The following DCAF16 variants were observed in gnomAD, a reference collection of about 807,000 sequenced individuals.
DCAF16 encodes the protein DDB1- and CUL4-associated factor 16.
A neutral mutation model predicts 17.3 loss-of-function variants in DCAF16; 10 were observed. That is an observed-to-expected ratio of 0.58 (90% CI 0.36 to 0.98). DCAF16 has a LOEUF of 0.98. Ranked by LOEUF, DCAF16 falls within the 50% of genes least tolerant of loss-of-function variation. The pLI is 0.01. For missense variants in DCAF16, 249 were observed against 247.6 expected (o/e 1.01, Z -0.04); for synonymous variants, 111 against 92.8 (o/e 1.20, Z -1.12).
At chr4:17,799,584 C>T (rs1398301106), downstream of DCAF16, among the ~76,000 whole-genome samples, 2 of 152,204 alleles carry the variant, frequency 1.3e-5, no homozygotes, top group South Asian at 2.1e-4. Flanking sequence ...AGCCAACTTA[C>T]GCATCAGAAA....
Position 17,801,389 on chromosome 4 carries a change from C to G in DCAF16, c.*2102G>C, listed in dbSNP as rs1719763543. ...AGTGATCCACCTGCCCTCAGCCTCC[C>G]AAACTGTTGGGATTACAGGCATGAG... is the stretch of plus-strand genomic sequence containing the variant. On this transcript the variant is annotated 3_prime_UTR_variant, in exon 3 of 3. Coordinates refer to ENST00000382247, the MANE Select transcript of DCAF16 (RefSeq NM_017741.4). 6.6e-6 allele frequency: 1 copy of G among 152,182 alleles called. No homozygotes were observed. Among genetic ancestry groups the G allele is most frequent in the Non-Finnish European group, 1.5e-5 (1 of 68,052 alleles). The allele number at this position is 152,182 out of a possible 1,614,324, so 9.4% of individuals were successfully genotyped here.
rs1720151035 is a variant in DCAF16 at position 17,804,746 on chromosome 4, G to A, written c.-605C>T. On this transcript the variant is annotated 5_prime_UTR_variant, in exon 3 of 3. Coordinates refer to ENST00000382247, the MANE Select transcript of DCAF16 (RefSeq NM_017741.4). The stretch of plus-strand genomic sequence containing the variant: ...TTTAGCTGTTGGATTATCTGGAAAG[G>A]TAGCCTTAACCTGTGAATGAGAAGA... The A allele has an allele frequency of 5.9e-6, 1 of 168,284 alleles. No individual in the cohort carries two copies. Among genetic ancestry groups the A allele is most frequent in the African/African-American group, 2.4e-5 (1 of 41,438 alleles). 10.4% of individuals were successfully genotyped at this position (168,284 alleles called of 1,614,324 possible). A position where few individuals can be genotyped will look rare whatever the true frequency, so the allele number is the denominator to read the frequency against.
At position 17,804,458 on chromosome 4, in the gene DCAF16, G is replaced by A. The variant is rs2109021999; in HGVS notation, c.-317C>T. The A allele has an allele frequency of 3.0e-6, 1 of 335,932 alleles. No individual in the cohort carries two copies. The highest frequency in any genetic ancestry group is 6.9e-5 in the East Asian group (1 of 14,556). 20.8% of individuals were successfully genotyped at this position (335,932 alleles called of 1,614,324 possible). On this transcript the variant is annotated 5_prime_UTR_variant, in exon 3 of 3. Transcript: ENST00000382247. Reference sequence around the variant, plus strand: ...AATCCTGGCTACCCAAGAATAGAAGGGGTCCTCATCTAGGCAAGCTGATTT... The same window carrying A: ...AATCCTGGCTACCCAAGAATAGAAGAGGTCCTCATCTAGGCAAGCTGATTT...
At chr4:17,806,445 TACTA>T (rs1338651245) in intron 1 of DCAF16, among the ~76,000 whole-genome samples, 3 of 152,040 alleles carry the variant, frequency 2.0e-5, no homozygotes, top group Non-Finnish European at 4.4e-5. Context: ...ATACCAGCAA[TACTA>T]ACTAGACCAT....
At chr4:17,793,542 A>G in the DCAF16 span, among the ~76,000 whole-genome samples, 1 of 152,318 alleles carries the variant, frequency 6.6e-6, no homozygotes, top group East Asian at 1.9e-4. Flanking sequence ...CATATAATCA[A>G]ATAGTCTATA....
chr4:17,796,680 C>G (rs1038916695), downstream of DCAF16, among the ~76,000 whole-genome samples: 1 of 152,170 alleles, frequency 6.6e-6, no homozygotes, highest in African/African-American at 2.4e-5. Context: ...GCGTTCCAGC[C>G]TGGCGACAGG....
chr4:17,810,268 A>C (rs372625989), intron 1 of DCAF16, among the ~76,000 whole-genome samples, 179 bp downstream of exon 1: 6 of 152,310 alleles, frequency 3.9e-5, no homozygotes, highest in Admixed American at 2.0e-4. Flanking sequence ...CACTGTCCTT[A>C]TGCACACTTG....
downstream of DCAF16, among the ~76,000 whole-genome samples, chr4:17,800,132 G>A (rs1173950626): frequency 3.5e-5 from 4 of 113,028 alleles, no homozygotes; most frequent in Admixed American, 1.2e-4. Flanking sequence ...CAACAAGAGC[G>A]AAACTCCATC....
Position 17,803,946 on chromosome 4 carries a change from A to T in DCAF16, c.196T>A (p.Trp66Arg). ...VKCLLKYSTT[W>R]KPLNPNSWLY... ...CAGGAATTAGGATTTAAAGGTTTCC[A>T]AGTTGTGGAATATTTTAAAAGGCAC... Residue 66 changes from tryptophan to arginine, a missense_variant, in exon 3 of 3, where the codon TGG (tryptophan) becomes AGG (arginine). Coordinates refer to ENST00000382247, the MANE Select transcript of DCAF16 (RefSeq NM_017741.4). The T allele has an allele frequency of 6.2e-7, 1 of 1,614,164 alleles. No individual in the cohort carries two copies. Among genetic ancestry groups the T allele is most frequent in the Non-Finnish European group, 8.5e-7 (1 of 1,180,026 alleles).
chr4:17,799,285 AAT>A (rs1719581112), downstream of DCAF16, among the ~76,000 whole-genome samples: 1 of 152,196 alleles, frequency 6.6e-6, no homozygotes, highest in African/African-American at 2.4e-5. Context: ...AGCTATTTTC[AAT>A]ATGTGAAGGG....
At chr4:17,795,693 G>T (rs1029599139), downstream of DCAF16, among the ~76,000 whole-genome samples, 5 of 152,080 alleles carry the variant, frequency 3.3e-5, no homozygotes, top group Non-Finnish European at 7.4e-5. Context: ...GATCCTATTT[G>T]ATGGAAGCAG....
intron 1 of DCAF16, among the ~76,000 whole-genome samples, chr4:17,808,978 G>A (rs1185360836): frequency 1.3e-5 from 2 of 152,128 alleles, no homozygotes; most frequent in African/African-American, 2.4e-5. Context: ...GCAGTGAGCC[G>A]AGATCGCGCC....
At position 17,802,998 on chromosome 4, in the gene DCAF16, C is replaced by T. The variant is rs1231923310; in HGVS notation, c.*493G>A. On this transcript the variant is annotated 3_prime_UTR_variant, in exon 3 of 3. Transcript: ENST00000382247. ...GTGAGTGTGAAGAATATTCAACTATCTTTTGTAATATGGTCCCCTTAACTA... is the reference window on the plus strand; with the variant it reads ...GTGAGTGTGAAGAATATTCAACTATTTTTTGTAATATGGTCCCCTTAACTA... 1 of 154,286 alleles carries T rather than the reference C, an allele frequency of 6.5e-6. No homozygotes were observed. The highest frequency in any genetic ancestry group is 1.4e-5 in the Non-Finnish European group (1 of 69,970). 9.6% of individuals were successfully genotyped at this position (154,286 alleles called of 1,614,324 possible). A position where few individuals can be genotyped will look rare whatever the true frequency, so the allele number is the denominator to read the frequency against.
Position 17,803,028 on chromosome 4 carries a change from TC to T in DCAF16, c.*462del, listed in dbSNP as rs1282883877. The T allele has an allele frequency of 3.9e-5, 6 of 155,218 alleles. No homozygotes were observed. The highest frequency in any genetic ancestry group is 1.2e-4 in the African/African-American group (5 of 40,542). The allele number at this position is 155,218 out of a possible 1,614,324, so 9.6% of individuals were successfully genotyped here. A position where few individuals can be genotyped will look rare whatever the true frequency, so the allele number is the denominator to read the frequency against. On this transcript the variant is annotated 3_prime_UTR_variant, in exon 3 of 3. Transcript: ENST00000382247. ...GTAATATGGTCCCCTTAACTAATTCTCCTTTTTTTTTTTTGAGACTGAGTCT... is the reference window on the plus strand; with the variant it reads ...GTAATATGGTCCCCTTAACTAATTCTCTTTTTTTTTTTTGAGACTGAGTCT...
At chr4:17,795,757 A>C (rs773105572), downstream of DCAF16, among the ~76,000 whole-genome samples, 4 of 152,156 alleles carry the variant, frequency 2.6e-5, no homozygotes, top group Non-Finnish European at 4.4e-5. Flanking sequence ...TTCATGTTGA[A>C]GGTTTCCTCA....
At position 17,802,560 on chromosome 4, in the gene DCAF16, C is replaced by T. The variant is rs1198743230; in HGVS notation, c.*931G>A. The T allele has an allele frequency of 2.0e-5, 3 of 150,244 alleles. No individual in the cohort carries two copies. Among genetic ancestry groups the T allele is most frequent in the South Asian group, 2.1e-4 (1 of 4,772 alleles). The allele number at this position is 150,244 out of a possible 1,614,324, so 9.3% of individuals were successfully genotyped here. On this transcript the variant is annotated 3_prime_UTR_variant, in exon 3 of 3. Transcript: ENST00000382247. ...CTCTAAAGAGTGTCATATGCAGGCA[C>T]ATCTATATAAAAGCTGGGAAAGAAA...
Position 17,803,513 on chromosome 4 carries a change from T to G in DCAF16, c.629A>C (p.Lys210Thr). 1.9e-6 allele frequency: 3 copies of G among 1,614,006 alleles called. No individual in the cohort carries two copies. Among genetic ancestry groups the G allele is most frequent in the Non-Finnish European group, 2.5e-6 (3 of 1,179,864 alleles). Residue 210 changes from lysine (K) to threonine (T), a missense_variant, in exon 3 of 3, where the codon AAA becomes ACA. Coordinates refer to ENST00000382247, the MANE Select transcript of DCAF16 (RefSeq NM_017741.4). ...TCTTTACAGTGATGCAGTTAGGAGT[T>G]TGTTAACTGCCTTTTGGAAGTCAGT... Reference protein sequence around the residue: ...SYTDFQKAVNKLLTASL With the variant: ...SYTDFQKAVNTLLTASL
Position 17,804,658 on chromosome 4 carries a change from C to A in DCAF16, c.-517G>T, listed in dbSNP as rs542330331. ...GAATGACGGGATGAGCTGTCAAGAACATCTGGTGTATAAGGATCCGATGCT... is the reference window on the plus strand; with the variant it reads ...GAATGACGGGATGAGCTGTCAAGAAAATCTGGTGTATAAGGATCCGATGCT... On this transcript the variant is annotated 5_prime_UTR_variant, in exon 3 of 3. An upstream start codon of the reference 5' UTR is lost. Coordinates refer to ENST00000382247, the MANE Select transcript of DCAF16 (RefSeq NM_017741.4). 21 of 176,022 alleles carry A rather than the reference C, an allele frequency of 1.2e-4. No individual in the cohort carries two copies. In the South Asian group the frequency reaches 3.5e-3, roughly 29 times the overall value. The allele number at this position is 176,022 out of a possible 1,614,324, so 10.9% of individuals were successfully genotyped here. A position where few individuals can be genotyped will look rare whatever the true frequency, so the allele number is the denominator to read the frequency against.
At position 17,803,774 on chromosome 4, in the gene DCAF16, G is replaced by T. The variant is rs764688179; in HGVS notation, c.368C>A (p.Pro123His). The T allele has an allele frequency of 4.3e-6, 7 of 1,614,018 alleles. No individual in the cohort carries two copies. The highest frequency in any genetic ancestry group is 2.5e-6 in the Non-Finnish European group (3 of 1,180,026). The change falls in exon 3 of 3, where the codon CCT becomes CAT. Residue 123 changes from proline to histidine, a missense_variant. Physicochemically the swap from Pro to His is moderately conservative, Grantham distance 77 (BLOSUM62 -2). Coordinates refer to ENST00000382247, the MANE Select transcript of DCAF16 (RefSeq NM_017741.4). ...WPPLASCGVPPFQKPLTSPSR... is the reference protein window; with the variant it reads ...WPPLASCGVPHFQKPLTSPSR... ...GGGACTTGTAAGAGGCTTTTGAAAAGGTGGGACTCCACAAGAGGCCAGAGG... is the reference window on the plus strand; with the variant it reads ...GGGACTTGTAAGAGGCTTTTGAAAATGTGGGACTCCACAAGAGGCCAGAGG...
Sources: gnomAD v4.1 joint callset for allele counts (sites outside exome capture counted in the v4.1 genomes callset) on GRCh38, gnomAD v4.1.1 for gene constraint, MANE v1.5 for transcripts, NCBI Gene and HGNC (gene_info 2026-07-23, HGNC 2026-07-21) for gene names.